Variants in ATP2B4 observed in about 807,000 individuals in gnomAD.
ATP2B4 encodes the protein plasma membrane calcium-transporting ATPase 4.
In ATP2B4, 39 loss-of-function variants were observed where a neutral mutation model predicts 110.3. The observed-to-expected ratio is 0.35, with a 90% CI of 0.27 to 0.46. The LOEUF is 0.46. ATP2B4 is among the 20% of genes least tolerant of loss of function. ATP2B4 has a pLI of 1.00. For missense variants in ATP2B4, 1,135 were observed against 1,530.9 expected (o/e 0.74, Z 4.32); for synonymous variants, 538 against 571.7 (o/e 0.94, Z 0.84).
chr1:203,661,309 G>A (rs149855939), intron 1 of ATP2B4, among the ~76,000 whole-genome samples: 1,738 of 152,266 alleles, frequency 0.011, 31 homozygotes, highest in African/African-American at 0.04. Context: ...GTCGGGTTTG[G>A]ATTCTGGCTT....
At chr1:203,724,083 G>A in intron 19 of ATP2B4, 95 bp downstream of exon 19, 1 of 1,014,762 alleles carries the variant, frequency 9.9e-7, no homozygotes, top group Non-Finnish European at 1.4e-6. Flanking sequence ...AGACCCCCCA[G>A]CTCCTCATCT....
intron 1 of ATP2B4, among the ~76,000 whole-genome samples, chr1:203,633,282 G>A (rs74722681): frequency 0.014 from 2,169 of 152,242 alleles, 58 homozygotes; most frequent in African/African-American, 0.05. Flanking sequence ...GGAGGAGCAG[G>A]GAGGGAAAAC....
chr1:203,724,865 C>CTCTTTTTTTTTTTT (rs1214526316), intron 19 of ATP2B4, among the ~76,000 whole-genome samples: 2 of 101,454 alleles, frequency 2.0e-5, no homozygotes, highest in Admixed American at 1.2e-4. Flanking sequence ...ATCCAGCTCT[C>CTCTTTTTTTTTTTT]TGTTTTTTTT....
intron 1 of ATP2B4, among the ~76,000 whole-genome samples, chr1:203,678,859 T>G (rs971943040): frequency 6.6e-6 from 1 of 152,240 alleles, no homozygotes; most frequent in African/African-American, 2.4e-5. Context: ...TGTACCTTTG[T>G]ATCTTCATCT....
intron 1 of ATP2B4, among the ~76,000 whole-genome samples, chr1:203,677,884 CT>C (rs1389694734): frequency 6.6e-6 from 1 of 152,264 alleles, no homozygotes; most frequent in Non-Finnish European, 1.5e-5. Context: ...GCTGGCACCC[CT>C]GCCAGAGTAT....
chr1:203,711,832 C>G (rs558501539), intron 12 of ATP2B4, 128 bp from the exon 13 acceptor site: 2 of 1,031,444 alleles, frequency 1.9e-6, no homozygotes, highest in African/African-American at 3.2e-5. Flanking sequence ...CCAGACCTAG[C>G]CCATGCTGCA....
intron 2 of ATP2B4, among the ~76,000 whole-genome samples, chr1:203,697,380 G>A (rs1665563781): frequency 6.6e-6 from 1 of 152,170 alleles, no homozygotes; most frequent in African/African-American, 2.4e-5. Flanking sequence ...AGCTCACTCT[G>A]CTTTTAAATC....
chr1:203,653,985 ATT>A (rs1218633538), intron 1 of ATP2B4, among the ~76,000 whole-genome samples: 8 of 112,432 alleles, frequency 7.1e-5, no homozygotes, highest in Admixed American at 3.2e-4. Context: ...ATATATATAT[ATT>A]TTTTTTTTTT....
intron 1 of ATP2B4, among the ~76,000 whole-genome samples, chr1:203,644,429 G>A (rs1374282897): frequency 6.6e-6 from 1 of 152,106 alleles, no homozygotes; most frequent in African/African-American, 2.4e-5. Context: ...CCTAATGACA[G>A]GCAGGGTGGT....
At chr1:203,723,192 C>G (rs914282721) in intron 18 of ATP2B4, among the ~76,000 whole-genome samples, 1 of 151,684 alleles carries the variant, frequency 6.6e-6, no homozygotes, top group South Asian at 2.1e-4. Flanking sequence ...CAATATGAGA[C>G]TATGAGCTGA....
chr1:203,720,010 T>G (rs1244593185), intron 15 of ATP2B4, among the ~76,000 whole-genome samples: 4 of 151,800 alleles, frequency 2.6e-5, no homozygotes, highest in Non-Finnish European at 5.9e-5. Flanking sequence ...ATGTGGAGCT[T>G]GCATTTAGCT....
At chr1:203,662,228 G>T (rs576514089) in intron 1 of ATP2B4, among the ~76,000 whole-genome samples, 2 of 152,054 alleles carry the variant, frequency 1.3e-5, no homozygotes, top group African/African-American at 4.8e-5. Context: ...GGGTTTCACC[G>T]TGTTAGCCAG....
chr1:203,660,279 G>C (rs534966540), intron 1 of ATP2B4, among the ~76,000 whole-genome samples: 1 of 152,170 alleles, frequency 6.6e-6, no homozygotes, highest in Non-Finnish European at 1.5e-5. Flanking sequence ...TTATGGTCCA[G>C]TTTCACCACA....
At chr1:203,644,274 A>C (rs967285539) in intron 1 of ATP2B4, among the ~76,000 whole-genome samples, 3 of 149,858 alleles carry the variant, frequency 2.0e-5, no homozygotes, top group Non-Finnish European at 4.4e-5. Context: ...AAAAAAAAGA[A>C]TGCTTGGATG....
chr1:203,709,239 C>T (rs1665934622), intron 10 of ATP2B4, 62 bp from the exon 11 acceptor site: 1 of 1,597,792 alleles, frequency 6.3e-7, no homozygotes, highest in Admixed American at 1.7e-5. Flanking sequence ...TTCTTTCTCC[C>T]TAAGTTCTCT....
chr1:203,714,227 G>T lies in ATP2B4; in HGVS notation c.2356G>T (p.Gly786Cys). ...HRQVVAVTGD[G>C]TNDGPALKKA... ...GCAGGTCGTGGCTGTCACTGGTGAT[G>T]GCACAAATGACGGGCCTGCTCTGAA... is the stretch of plus-strand genomic sequence containing the variant. Residue 786 changes from glycine (G) to cysteine (C), a missense_variant, in exon 15 of 21, where the codon GGC becomes TGC. Physicochemically the swap from Gly to Cys is radical, Grantham distance 159. Around this residue, in one of 9 missense-constraint regions of ATP2B4, gnomAD observed 70 missense variants for 142.4 expected, o/e 0.49. Transcript: ENST00000357681. 6.2e-7 allele frequency: 1 copy of T among 1,614,180 alleles called. No individual in the cohort carries two copies. The highest frequency in any genetic ancestry group is 8.5e-7 in the Non-Finnish European group (1 of 1,180,022).
At chr1:203,670,172 TTTTTTA>T (rs1383276776) in intron 1 of ATP2B4, among the ~76,000 whole-genome samples, 2 of 127,706 alleles carry the variant, frequency 1.6e-5, no homozygotes, top group Non-Finnish European at 3.4e-5. Flanking sequence ...GTTCATACTC[TTTTTTA>T]TTTTATCTTT....
chr1:203,722,086 C>T (rs1198245161), intron 17 of ATP2B4, among the ~76,000 whole-genome samples: 4 of 152,186 alleles, frequency 2.6e-5, no homozygotes, highest in Non-Finnish European at 5.9e-5. Context: ...TGCTGCACTA[C>T]ATGAGAGCAA....
At chr1:203,727,100 G>A (rs1009309795) in intron 19 of ATP2B4, among the ~76,000 whole-genome samples, 8 of 152,228 alleles carry the variant, frequency 5.3e-5, no homozygotes, top group Admixed American at 4.6e-4. Context: ...GAAGAAATGA[G>A]ACAGAAAGAG....
Sources: gnomAD v4.1 joint callset for allele counts (sites outside exome capture counted in the v4.1 genomes callset) on GRCh38, gnomAD v4.1.1 for gene constraint, gnomAD v4.1.1 regional missense constraint, MANE v1.5 for transcripts, NCBI Gene and HGNC (gene_info 2026-07-23, HGNC 2026-07-21) for gene names.